The following MTR variants were observed in gnomAD, a reference collection of about 807,000 sequenced individuals.
MTR encodes 5-methyltetrahydrofolate-homocysteine methyltransferase, also known as methionine synthase.
Under a neutral mutation model 154.8 loss-of-function variants are expected in MTR, and 84 were observed. The observed-to-expected ratio is 0.54, with a 90% CI of 0.45 to 0.65. The LOEUF (loss-of-function observed/expected upper bound fraction) is 0.65, where lower values mean the gene tolerates loss of function less well. MTR is among the 30% of genes least tolerant of loss of function. The probability of loss-of-function intolerance (pLI) is 0.00; values close to 1 mark genes in which losing one functional copy is unlikely to be tolerated. For missense variants in MTR, 1,275 were observed against 1,570.2 expected, an observed-to-expected ratio of 0.81 and a Z score of 3.18; for synonymous variants, 554 against 553.9, an observed-to-expected ratio of 1.00 and a Z score of 0.00.
Position 236,795,514 on chromosome 1 carries a change from GC to G in MTR, c.-187del. The G allele has an allele frequency of 6.6e-7, 1 of 1,525,412 alleles. No homozygotes were observed. The highest frequency in any genetic ancestry group is 1.4e-5 in the African/African-American group (1 of 72,884). The allele number at this position is 1,525,412 out of a possible 1,614,324, so 94.5% of individuals were successfully genotyped here. A position where few individuals can be genotyped will look rare whatever the true frequency, so the allele number is the denominator to read the frequency against. ...GTTGCCGCGCCCAGCCCCGAGAGAG[GC>G]CCTAGGGCGCTGCGGGCTTTCGGGG... On this transcript the variant is annotated 5_prime_UTR_variant, in exon 1 of 33. Coordinates refer to ENST00000366577, the MANE Select transcript of MTR (RefSeq NM_000254.3).
At chr1:236,895,889 C>A (rs1376369980) in intron 31 of MTR, among the ~76,000 whole-genome samples, 2 of 152,226 alleles carry the variant, frequency 1.3e-5, no homozygotes, top group Admixed American at 1.3e-4. Flanking sequence ...TAGAGACCGA[C>A]CTTTGTCCCT....
Position 236,795,498 on chromosome 1 carries a change from C to T in MTR, c.-206C>T, listed in dbSNP as rs1480882828. The T allele has an allele frequency of 6.6e-7, 1 of 1,520,612 alleles. No homozygotes were observed. The allele number at this position is 1,520,612 out of a possible 1,614,324, so 94.2% of individuals were successfully genotyped here. On this transcript the variant is annotated 5_prime_UTR_variant, in exon 1 of 33. Coordinates refer to ENST00000366577, the MANE Select transcript of MTR (RefSeq NM_000254.3). Reference sequence around the variant, plus strand: ...AGCACGTGCTCCAGCAGTTGCCGCGCCCAGCCCCGAGAGAGGCCCTAGGGC... The same window carrying T: ...AGCACGTGCTCCAGCAGTTGCCGCGTCCAGCCCCGAGAGAGGCCCTAGGGC...
chr1:236,895,321 C>T (rs753868737), intron 30 of MTR, 37 bp from the exon 31 acceptor site: 18 of 1,564,268 alleles, frequency 1.2e-5, no homozygotes, highest in African/African-American at 1.1e-4. Context: ...TGAGCCCCTG[C>T]GTCTGCCTAA....
intron 16 of MTR, among the ~76,000 whole-genome samples, chr1:236,851,456 T>G (rs947578215): frequency 8.4e-5 from 12 of 143,280 alleles, no homozygotes; most frequent in East Asian, 1.9e-4. Flanking sequence ...CAGACATGAA[T>G]TATAGTGCCA....
chr1:236,840,494 C>T (rs1034197540), intron 15 of MTR, among the ~76,000 whole-genome samples: 21 of 152,134 alleles, frequency 1.4e-4, no homozygotes, highest in Admixed American at 5.9e-4. Flanking sequence ...AAGAGTTGGC[C>T]TGTTCAGAAC....
chr1:236,859,982 TGTG>T, intron 19 of MTR, 60 bp downstream of exon 19: 1 of 1,441,012 alleles, frequency 6.9e-7, no homozygotes. Context: ...CTGATCCTGT[TGTG>T]GGCGGTGTGA....
intron 24 of MTR, among the ~76,000 whole-genome samples, chr1:236,880,302 G>C (rs1331189368): frequency 1.3e-5 from 2 of 152,200 alleles, no homozygotes; most frequent in African/African-American, 4.8e-5. Context: ...CCATGAATAG[G>C]GGAGCAGCTG....
intron 21 of MTR, among the ~76,000 whole-genome samples, chr1:236,862,658 T>C (rs1664611903): frequency 6.6e-6 from 1 of 152,270 alleles, no homozygotes; most frequent in Non-Finnish European, 1.5e-5. Flanking sequence ...TGCCAAGTAC[T>C]GTGCCAGGCA....
At chr1:236,888,164 C>A (rs575240262) in intron 27 of MTR, among the ~76,000 whole-genome samples, 2 of 152,178 alleles carry the variant, frequency 1.3e-5, no homozygotes, top group Non-Finnish European at 2.9e-5. Flanking sequence ...TCTCCCAGAG[C>A]CCCTGAGATT....
intron 15 of MTR, 21 bp from the exon 16 acceptor site, chr1:236,850,323 A>T: frequency 6.3e-7 from 1 of 1,591,194 alleles, no homozygotes; most frequent in Admixed American, 1.7e-5. Context: ...TTCAAACTAC[A>T]TCTTTTGCTC....
intron 27 of MTR, among the ~76,000 whole-genome samples, chr1:236,887,315 C>T (rs890488019): frequency 4.6e-5 from 7 of 152,136 alleles, no homozygotes; most frequent in African/African-American, 7.2e-5. Flanking sequence ...GCCTGGAGCT[C>T]GGGGTTCTCA....
chr1:236,850,597 AC>A, intron 16 of MTR, 74 bp downstream of exon 16: 3 of 1,319,544 alleles, frequency 2.3e-6, no homozygotes, highest in Non-Finnish European at 3.2e-6. Context: ...GTTAGAACTA[AC>A]TTATATATTT....
intron 4 of MTR, 48 bp downstream of exon 4, chr1:236,808,821 T>G: frequency 6.4e-7 from 1 of 1,552,908 alleles, no homozygotes; most frequent in Non-Finnish European, 8.9e-7. Flanking sequence ...CCTTTGATAC[T>G]GTCAGCTATA....
In MTR at chr1:236,902,661, CTTG is replaced by C. The variant is rs913380367; in HGVS notation, c.*5020_*5022del. On this transcript the variant is annotated 3_prime_UTR_variant, in exon 33 of 33. Coordinates refer to ENST00000366577, the MANE Select transcript of MTR (RefSeq NM_000254.3). ...CATGAAATTGTTCACTCCATCAAGC[CTTG>C]TTAAATGAGTTCGGGGCGGGGGGAG... The C allele has an allele frequency of 6.6e-5, 10 of 152,322 alleles. No individual in the cohort carries two copies. The highest frequency in any genetic ancestry group is 2.2e-4 in the African/African-American group (9 of 41,542). 9.4% of individuals were successfully genotyped at this position (152,322 alleles called of 1,614,324 possible). A position where few individuals can be genotyped will look rare whatever the true frequency, so the allele number is the denominator to read the frequency against.
At chr1:236,827,967 T>C (rs1572222624) in intron 11 of MTR, among the ~76,000 whole-genome samples, 1 of 152,216 alleles carries the variant, frequency 6.6e-6, no homozygotes, top group Non-Finnish European at 1.5e-5. Flanking sequence ...TGATAGACTC[T>C]TAGTAAATAA....
intron 25 of MTR, among the ~76,000 whole-genome samples, chr1:236,883,771 T>C (rs544473882): frequency 1.3e-5 from 2 of 152,306 alleles, no homozygotes; most frequent in Admixed American, 6.5e-5. Flanking sequence ...TCATAGGTGA[T>C]TGGATTGTTA....
At chr1:236,807,977 C>T (rs189895619) in intron 3 of MTR, among the ~76,000 whole-genome samples, 56 of 152,148 alleles carry the variant, frequency 3.7e-4, no homozygotes, top group African/African-American at 9.9e-4. Flanking sequence ...CCAGAGTTTG[C>T]CAGTACCTAT....
At chr1:236,831,907 C>A in intron 12 of MTR, 59 bp from the exon 13 acceptor site, 1 of 1,185,490 alleles carries the variant, frequency 8.4e-7, no homozygotes, top group Non-Finnish European at 1.3e-6. Flanking sequence ...TTGTGTCTGT[C>A]TGTCTCATGT....
At position 236,894,380 on chromosome 1, in the gene MTR, G is replaced by A. The variant is rs904546968; in HGVS notation, c.3228G>A (p.Thr1076=). The A allele has an allele frequency of 6.8e-6, 11 of 1,614,078 alleles. No homozygotes were observed. Among genetic ancestry groups the A allele is most frequent in the South Asian group, 3.3e-5 (3 of 91,086 alleles). Residue 1076 remains threonine, a synonymous_variant, in exon 30 of 33, where the codon ACG becomes ACA. Coordinates refer to ENST00000366577, the MANE Select transcript of MTR (RefSeq NM_000254.3). Reference sequence around the variant, plus strand: ...AGGCTGAGAAGGACTCTGCCAGCACGGAGCCATACTACTGCCTCTCAGACT... The same window carrying A: ...AGGCTGAGAAGGACTCTGCCAGCACAGAGCCATACTACTGCCTCTCAGACT... ...RQQAEKDSAS[T]EPYYCLSDFI... is the part of the protein sequence containing the mutation.
Sources: gnomAD v4.1 joint callset for allele counts (sites outside exome capture counted in the v4.1 genomes callset) on GRCh38, gnomAD v4.1.1 for gene constraint, MANE v1.5 for transcripts, NCBI Gene and HGNC (gene_info 2026-07-23, HGNC 2026-07-21) for gene names.